The following MECOM variants were observed in gnomAD, a reference collection of about 807,000 sequenced individuals.
MECOM encodes the protein histone-lysine N-methyltransferase MECOM.
A neutral mutation model predicts 116.3 loss-of-function variants in MECOM; 13 were observed. The observed-to-expected ratio is 0.11, with a 90% CI of 0.07 to 0.18. MECOM has a LOEUF of 0.18. Among genes scored for constraint, MECOM ranks in the 10% least tolerant of loss-of-function variants. The pLI is 1.00. For synonymous variants in MECOM, 528 were observed against 535.2 expected, an observed-to-expected ratio of 0.99 and a Z score of 0.19; for missense variants, 1,299 against 1,509.0, an observed-to-expected ratio of 0.86 and a Z score of 2.31.
chr3:169,655,570 A>G (rs1775445175), intron 1 of MECOM, among the ~76,000 whole-genome samples: 1 of 152,004 alleles, frequency 6.6e-6, no homozygotes, highest in Non-Finnish European at 1.5e-5. Context: ...CCTCACCCCG[A>G]CTCCAAATAA....
chr3:169,238,385 A>G (rs918622870), intron 2 of MECOM, among the ~76,000 whole-genome samples: 11 of 152,082 alleles, frequency 7.2e-5, no homozygotes, highest in African/African-American at 2.7e-4. Flanking sequence ...ACTGGTTTAA[A>G]TTCACAGGAA....
At chr3:169,570,269 C>A (rs56073000) in intron 1 of MECOM, among the ~76,000 whole-genome samples, 3 of 152,264 alleles carry the variant, frequency 2.0e-5, no homozygotes, top group Non-Finnish European at 4.4e-5. Context: ...GACACGTACA[C>A]CCTCCAAAGA....
At chr3:169,161,470 C>A (rs938146295) in intron 2 of MECOM, among the ~76,000 whole-genome samples, 2 of 151,974 alleles carry the variant, frequency 1.3e-5, no homozygotes, top group African/African-American at 4.8e-5. Context: ...TAAAAGAAGA[C>A]AAAAGACTTT....
chr3:169,121,969 AT>A (rs2149123546), intron 6 of MECOM, among the ~76,000 whole-genome samples: 1 of 152,316 alleles, frequency 6.6e-6, no homozygotes, highest in African/African-American at 2.4e-5. Flanking sequence ...ACACCAGGAC[AT>A]CTTTGAGTTA....
At chr3:169,475,635 C>T (rs755237573) in intron 1 of MECOM, among the ~76,000 whole-genome samples, 1 of 151,060 alleles carries the variant, frequency 6.6e-6, no homozygotes, top group African/African-American at 2.4e-5. Flanking sequence ...AAAAGAAAGA[C>T]GCAATCATTC....
chr3:169,468,891 T>G (rs1288342537), intron 1 of MECOM, among the ~76,000 whole-genome samples: 1 of 152,204 alleles, frequency 6.6e-6, no homozygotes, highest in Non-Finnish European at 1.5e-5. Context: ...CTAGGCAGAC[T>G]GCCACCAAGG....
chr3:169,178,282 G>T (rs554128993), intron 2 of MECOM, among the ~76,000 whole-genome samples: 3 of 152,204 alleles, frequency 2.0e-5, no homozygotes, highest in South Asian at 2.1e-4. Context: ...ATGGAGGGCC[G>T]CATGAGTGAT....
intron 3 of MECOM, among the ~76,000 whole-genome samples, chr3:169,135,154 C>T (rs1396142064): frequency 6.6e-6 from 1 of 151,992 alleles, no homozygotes; most frequent in African/African-American, 2.4e-5. Flanking sequence ...AGAGACACTA[C>T]TAATATAACT....
intron 2 of MECOM, among the ~76,000 whole-genome samples, chr3:169,275,139 T>G (rs1011630590): frequency 6.6e-6 from 1 of 152,192 alleles, no homozygotes; most frequent in African/African-American, 2.4e-5. Context: ...CCCTCTGAGT[T>G]ATTCAAAGCA....
At chr3:169,610,116 A>G (rs548592592) in intron 1 of MECOM, among the ~76,000 whole-genome samples, 2 of 152,164 alleles carry the variant, frequency 1.3e-5, no homozygotes, top group African/African-American at 4.8e-5. Context: ...TTGTCAATTG[A>G]GCTTAACTAC....
Position 169,086,211 on chromosome 3 carries a change from C to T in MECOM, c.3586-1168G>A, listed in dbSNP as rs559895516. ...TTTGCCTTTTGGACTTCTACAATAT[C>T]TCATGATCCATTTAACAAATATTTC... On this transcript the variant is annotated intron_variant, in intron 16 of 16. Transcript: ENST00000651503. 1.4e-4 allele frequency among the ~76,000 whole-genome samples: 21 copies of T among 152,280 alleles called. No individual in the cohort carries two copies. The South Asian group carries it at 4.4e-3, about 32-fold the overall frequency.
intron 2 of MECOM, among the ~76,000 whole-genome samples, chr3:169,300,805 A>G (rs942838071): frequency 1.3e-5 from 2 of 152,238 alleles, no homozygotes; most frequent in Admixed American, 6.5e-5. Flanking sequence ...GGAGAGTACA[A>G]CAGAGCTAAC....
chr3:169,164,459 A>G (rs904812064), intron 2 of MECOM, among the ~76,000 whole-genome samples: 1 of 152,144 alleles, frequency 6.6e-6, no homozygotes, highest in Admixed American at 6.6e-5. Flanking sequence ...AAAACCGACT[A>G]ATACAACAGT....
At chr3:169,155,223 T>G (rs1028534675) in intron 2 of MECOM, among the ~76,000 whole-genome samples, 3 of 152,220 alleles carry the variant, frequency 2.0e-5, no homozygotes, top group African/African-American at 4.8e-5. Flanking sequence ...GATGCAGTGA[T>G]GATTCTTTTT....
chr3:169,334,037 C>T (rs1033616858), intron 2 of MECOM, among the ~76,000 whole-genome samples: 1 of 151,832 alleles, frequency 6.6e-6, no homozygotes, highest in African/African-American at 2.4e-5. Flanking sequence ...TTTAATAACA[C>T]TTTCTTAAAA....
rs1303234832 is a variant in MECOM, at chr3:169,472,673, G to GAA, written c.38-91150_38-91149insTT. Among the ~76,000 whole-genome samples the GAA allele has an allele frequency of 8.8e-4, 67 of 76,360 alleles. 6 individuals are homozygous for GAA. Among genetic ancestry groups the GAA allele is most frequent in the South Asian group, 3.4e-3 (7 of 2,060 alleles). 50.1% of individuals were successfully genotyped at this position (76,360 alleles called of 152,430 possible). A position where few individuals can be genotyped will look rare whatever the true frequency, so the allele number is the denominator to read the frequency against. On this transcript the variant is annotated intron_variant, in intron 1 of 16. Transcript: ENST00000651503. Reference sequence around the variant, plus strand: ...GAAAAGAAAAGAAAGGAAAGGAAAGGAGAGGAGAGGAAAGGAAAGGGAAGG... The same window carrying GAA: ...GAAAAGAAAAGAAAGGAAAGGAAAGGAAAGAGGAGAGGAAAGGAAAGGGAAGG...
intron 1 of MECOM, among the ~76,000 whole-genome samples, chr3:169,634,110 T>C (rs559886686): frequency 6.6e-6 from 1 of 152,196 alleles, no homozygotes; most frequent in Non-Finnish European, 1.5e-5. Context: ...TGAACCATTA[T>C]CACAGAAGGA....
chr3:169,266,920 G>A (rs1758385165), intron 2 of MECOM, among the ~76,000 whole-genome samples: 1 of 151,730 alleles, frequency 6.6e-6, no homozygotes, highest in Admixed American at 6.6e-5. Context: ...AAAAAAAGAG[G>A]GAAGAGAAAG....
intron 1 of MECOM, among the ~76,000 whole-genome samples, chr3:169,464,809 CT>C (rs2108755081): frequency 6.6e-6 from 1 of 152,166 alleles, no homozygotes; most frequent in South Asian, 2.1e-4. Context: ...ATCATCAGAT[CT>C]TTGTCTTTGT....
Sources: gnomAD v4.1 joint callset for allele counts (sites outside exome capture counted in the v4.1 genomes callset) on GRCh38, gnomAD v4.1.1 for gene constraint, MANE v1.5 for transcripts, NCBI Gene and HGNC (gene_info 2026-07-23, HGNC 2026-07-21) for gene names.